Variants in ASAP1 observed in about 807,000 individuals in gnomAD.
ASAP1 encodes the protein arf-GAP with SH3 domain, ANK repeat and PH domain-containing protein 1.
In ASAP1, 43 loss-of-function variants were observed where a neutral mutation model predicts 145.2. The ratio of observed to expected loss-of-function variants is 0.30; its 90% CI spans 0.23 to 0.38. The LOEUF (loss-of-function observed/expected upper bound fraction) is 0.38, where lower values mean the gene tolerates loss of function less well. Among genes scored for constraint, ASAP1 ranks in the 10% least tolerant of loss-of-function variants. The pLI is 1.00. For missense variants in ASAP1, 1,018 were observed against 1,355.3 expected (o/e 0.75, Z 3.91); for synonymous variants, 546 against 515.5 (o/e 1.06, Z -0.80).
At chr8:130,418,555 T>C (rs1428503075) in intron 1 of ASAP1, among the ~76,000 whole-genome samples, 2 of 151,290 alleles carry the variant, frequency 1.3e-5, no homozygotes, top group Non-Finnish European at 2.9e-5. Flanking sequence ...AATAAATAAA[T>C]AAATAAATAA....
Position 130,157,021 on chromosome 8 carries a change from A to T in ASAP1, c.1010+2843T>A, listed in dbSNP as rs572452507. ...TGCTTCAATAGATATGTAATAGTAC[A>T]TTGTTGCTCATAATGGAACACAATA... On this transcript the variant is annotated intron_variant, in intron 12 of 29. Transcript: ENST00000518721. Among the ~76,000 whole-genome samples the T allele has an allele frequency of 2.6e-5, 4 of 152,364 alleles. No homozygotes were observed. The East Asian group carries it at 7.7e-4, about 29-fold the overall frequency.
intron 4 of ASAP1, among the ~76,000 whole-genome samples, chr8:130,219,184 G>T (rs1467303155): frequency 7.8e-6 from 1 of 127,712 alleles, no homozygotes; most frequent in South Asian, 3.3e-4. Context: ...TAAAAACACA[G>T]GTCTCACATG....
At chr8:130,138,051 AG>A (rs2097599466) in intron 13 of ASAP1, among the ~76,000 whole-genome samples, 1 of 152,226 alleles carries the variant, frequency 6.6e-6, no homozygotes, top group African/African-American at 2.4e-5. Flanking sequence ...TCCTAGTACC[AG>A]GTGCATCTCC....
intron 22 of ASAP1, 110 bp downstream of exon 22, chr8:130,116,568 G>T: frequency 1.1e-6 from 1 of 920,804 alleles, no homozygotes. Flanking sequence ...TCTTTAGCAA[G>T]TGTTAAAAAA....
intron 3 of ASAP1, among the ~76,000 whole-genome samples, chr8:130,318,469 T>C (rs1482432925): frequency 2.0e-5 from 3 of 152,256 alleles, no homozygotes; most frequent in Non-Finnish European, 4.4e-5. Context: ...AGCACTACTA[T>C]GTGCCAGATA....
chr8:130,306,120 C>T (rs1028642304), intron 3 of ASAP1, among the ~76,000 whole-genome samples: 2 of 152,112 alleles, frequency 1.3e-5, no homozygotes, highest in Admixed American at 6.5e-5. Flanking sequence ...ACTAGTTAAG[C>T]CATAAATTTT....
At chr8:130,256,888 G>A (rs1819602117) in intron 3 of ASAP1, among the ~76,000 whole-genome samples, 1 of 149,432 alleles carries the variant, frequency 6.7e-6, no homozygotes, top group East Asian at 2.0e-4. Context: ...TATACCGCTG[G>A]GAGTAAAATT....
In ASAP1 at chr8:130,350,483, G is replaced by C. The variant is rs73417940; in HGVS notation, c.186+7534C>G. On this transcript the variant is annotated intron_variant, in intron 3 of 29. Coordinates refer to ENST00000518721, the MANE Select transcript of ASAP1 (RefSeq NM_018482.4). ...TCTAGGAAGCCAATCACCTCAATGA[G>C]GTAACACTTTGCTTTCCCACTTTAT... Among the ~76,000 whole-genome samples, 952 of 152,256 alleles carry C rather than the reference G, an allele frequency of 6.3e-3. 9 individuals carry two copies. The highest frequency in any genetic ancestry group is 0.022 in the African/African-American group (922 of 41,552).
At chr8:130,251,942 TCA>T (rs1314612194) in intron 3 of ASAP1, among the ~76,000 whole-genome samples, 1 of 152,166 alleles carries the variant, frequency 6.6e-6, no homozygotes, top group African/African-American at 2.4e-5. Flanking sequence ...ATATTTCAAG[TCA>T]CAAAACCACC....
At chr8:130,111,538 T>C (rs898659964) in intron 24 of ASAP1, among the ~76,000 whole-genome samples, 1 of 152,208 alleles carries the variant, frequency 6.6e-6, no homozygotes, top group Admixed American at 6.5e-5. Context: ...TAATAGCACC[T>C]ACCTCATTTT....
At chr8:130,057,282 T>C (rs1401729603) in intron 29 of ASAP1, among the ~76,000 whole-genome samples, 1 of 152,188 alleles carries the variant, frequency 6.6e-6, no homozygotes, top group Non-Finnish European at 1.5e-5. Flanking sequence ...GAATCTTGAC[T>C]TAGCCTGCTT....
chr8:130,092,562 G>A (rs2097507853), intron 24 of ASAP1, among the ~76,000 whole-genome samples: 1 of 152,152 alleles, frequency 6.6e-6, no homozygotes, highest in Non-Finnish European at 1.5e-5. Context: ...AGGAGTTCGA[G>A]GATACACTGA....
chr8:130,225,109 A>G (rs754276195), intron 4 of ASAP1, among the ~76,000 whole-genome samples: 18 of 152,152 alleles, frequency 1.2e-4, no homozygotes, highest in Non-Finnish European at 2.4e-4. Context: ...GCCTGTTTAC[A>G]TATTTAGCCC....
intron 1 of ASAP1, among the ~76,000 whole-genome samples, chr8:130,420,691 C>A (rs371090872): frequency 6.6e-6 from 1 of 151,876 alleles, no homozygotes; most frequent in African/African-American, 2.4e-5. Flanking sequence ...GTCAGGAGTT[C>A]GAGACTAGCC....
chr8:130,264,999 T>C (rs945888515), intron 3 of ASAP1, among the ~76,000 whole-genome samples: 2 of 152,014 alleles, frequency 1.3e-5, no homozygotes, highest in African/African-American at 4.8e-5. Context: ...AAGACTAAAA[T>C]TACTGGTGTA....
intron 12 of ASAP1, among the ~76,000 whole-genome samples, chr8:130,154,323 T>C (rs575366383): frequency 2.0e-5 from 3 of 152,292 alleles, no homozygotes; most frequent in South Asian, 4.1e-4. Context: ...TTTGATGATA[T>C]TGAAGGATAA....
chr8:130,205,064 T>C (rs1816116625), intron 5 of ASAP1, among the ~76,000 whole-genome samples: 1 of 152,260 alleles, frequency 6.6e-6, no homozygotes, highest in Non-Finnish European at 1.5e-5. Context: ...AGAGACAGCA[T>C]AAAGCATTCC....
intron 3 of ASAP1, among the ~76,000 whole-genome samples, chr8:130,252,729 C>T (rs1353469910): frequency 2.6e-5 from 4 of 152,240 alleles, no homozygotes; most frequent in African/African-American, 9.6e-5. Flanking sequence ...ATGGCTTGTT[C>T]ATCTTGATGC....
intron 3 of ASAP1, among the ~76,000 whole-genome samples, chr8:130,246,289 C>T (rs2554373): frequency 0.46 from 69,709 of 151,856 alleles, 16,221 homozygotes; most frequent in African/African-American, 0.51. Context: ...AACCACTCTG[C>T]CTTTTGTACC....
Sources: allele counts gnomAD v4.1 joint callset (sites outside exome capture counted in the v4.1 genomes callset), GRCh38; gene constraint gnomAD v4.1.1; transcripts MANE v1.5; gene names NCBI Gene and HGNC (gene_info 2026-07-23, HGNC 2026-07-21).